ZAR1L: variants seen among roughly 807,000 people sequenced by gnomAD.
ZAR1L encodes protein ZAR1-like.
Under a neutral mutation model 30.0 loss-of-function variants are expected in ZAR1L, and 16 were observed. The observed-to-expected ratio is 0.53, with a 90% confidence interval of 0.36 to 0.81. ZAR1L has a LOEUF of 0.81. Among genes scored for constraint, ZAR1L ranks in the 30% least tolerant of loss-of-function variants. The pLI is 0.00. For synonymous variants in ZAR1L, 197 were observed against 166.8 expected (o/e 1.18, Z -1.40); for missense variants, 392 against 417.2 (o/e 0.94, Z 0.53).
chr13:32,309,793 TTC>T (rs1452164013), intron 4 of ZAR1L, among the ~76,000 whole-genome samples: 1 of 152,268 alleles, frequency 6.6e-6, no homozygotes, highest in African/African-American at 2.4e-5. Context: ...AAACTCATTT[TTC>T]TTCTGGCAAG....
chr13:32,310,550 C>A, intron 4 of ZAR1L, 89 bp downstream of exon 4: 2 of 895,966 alleles, frequency 2.2e-6, no homozygotes, highest in Non-Finnish European at 3.6e-6. Context: ...AGGACTATGA[C>A]AGCCATGCTC....
At chr13:32,312,952 A>T (rs1261452664) in intron 2 of ZAR1L, among the ~76,000 whole-genome samples, 2 of 152,234 alleles carry the variant, frequency 1.3e-5, no homozygotes, top group African/African-American at 4.8e-5. Context: ...GGGGAACATT[A>T]TGCTAAGTGA....
At position 32,311,382 on chromosome 13, in the gene ZAR1L, C is replaced by G; in HGVS notation, c.544G>C (p.Gly182Arg). 1 of 1,550,750 alleles carries G rather than the reference C, an allele frequency of 6.4e-7. No individual in the cohort carries two copies. Reference sequence around the variant, plus strand: ...TTCTCCCCCGATTCCTCCAGCTGCCCGGGCTCCTCCTGCCTGTCAGCTCCT... The same window carrying G: ...TTCTCCCCCGATTCCTCCAGCTGCCGGGGCTCCTCCTGCCTGTCAGCTCCT... ...RSGADRQEEP[G>R]QLEESGEKDA... The change falls in exon 3 of 6, where the codon GGG becomes CGG. Residue 182 changes from glycine (G) to arginine (R), a missense_variant. Physicochemically the swap from Gly to Arg is moderately radical, Grantham distance 125. Transcript: ENST00000533490.
chr13:32,308,780 T>G lies in ZAR1L; in HGVS notation c.748-20A>C. The G allele has an allele frequency of 6.6e-7, 1 of 1,516,336 alleles. No individual in the cohort carries two copies. The highest frequency in any genetic ancestry group is 1.7e-4 in the Middle Eastern group (1 of 5,910). 93.9% of individuals were successfully genotyped at this position (1,516,336 alleles called of 1,614,324 possible). Reference sequence around the variant, plus strand: ...ATAAACCTAAAGAGAAATATGTTTTTTTTTAATACAAGCTTTTATACACAC... The same window carrying G: ...ATAAACCTAAAGAGAAATATGTTTTGTTTTAATACAAGCTTTTATACACAC... On this transcript the variant is annotated intron_variant, in intron 4 of 5. Transcript: ENST00000533490.
chr13:32,312,396 C>G (rs558942195), intron 2 of ZAR1L, among the ~76,000 whole-genome samples: 1 of 152,288 alleles, frequency 6.6e-6, no homozygotes, highest in East Asian at 1.9e-4. Context: ...ATCCAGTAAT[C>G]CCACCACTGC....
In ZAR1L at chr13:32,310,624, A is replaced by G. The variant is rs1463790662; in HGVS notation, c.747+15T>C. 1 of 1,524,118 alleles carries G rather than the reference A, an allele frequency of 6.6e-7. No homozygotes were observed. The highest frequency in any genetic ancestry group is 8.9e-7 in the Non-Finnish European group (1 of 1,123,332). The allele number at this position is 1,524,118 out of a possible 1,614,324, so 94.4% of individuals were successfully genotyped here. The stretch of plus-strand genomic sequence containing the variant: ...CCACCCCATCCTCCTCTCACCTCCT[A>G]CTCTTTTTATTTACCTTGTTCGTTC... On this transcript the variant is annotated intron_variant, in intron 4 of 5. Transcript: ENST00000533490.
chr13:32,305,445 A>C (rs206141), intron 5 of ZAR1L, among the ~76,000 whole-genome samples: 57,277 of 151,534 alleles, frequency 0.38, 10,999 homozygotes, highest in East Asian at 0.5. Context: ...CCAGGGTGGT[A>C]TCGATCTCCT....
intron 5 of ZAR1L, 25 bp downstream of exon 5, chr13:32,308,661 C>T (rs2072192510): frequency 6.6e-7 from 1 of 1,517,616 alleles, no homozygotes; most frequent in African/African-American, 1.4e-5. Flanking sequence ...AACATAGACA[C>T]AATGGAAGTG....
chr13:32,306,637 A>G (rs1405257392), intron 5 of ZAR1L, among the ~76,000 whole-genome samples: 12 of 152,236 alleles, frequency 7.9e-5, no homozygotes, highest in Non-Finnish European at 4.4e-5. Context: ...TATCTCTTAA[A>G]AAGATATCCA....
Position 32,311,470 on chromosome 13 carries a change from C to CGCTT in ZAR1L, c.452_455dup (p.Glu153SerfsTer25). On this transcript the variant is annotated frameshift_variant, in exon 3 of 6. Coordinates refer to ENST00000533490, the MANE Select transcript of ZAR1L (RefSeq NM_001136571.2). LOFTEE classifies it high-confidence loss of function. Reference sequence around the variant, plus strand: ...CAGGGCCCGGGAGCGCCTTGCTCTCCGCTTCGTCCCCATCTCTCCGCAGGC... The same window carrying CGCTT: ...CAGGGCCCGGGAGCGCCTTGCTCTCCGCTTGCTTCGTCCCCATCTCTCCGCAGGC... The CGCTT allele has an allele frequency of 6.5e-7, 1 of 1,546,460 alleles. No homozygotes were observed. Among genetic ancestry groups the CGCTT allele is most frequent in the Non-Finnish European group, 8.7e-7 (1 of 1,146,720 alleles).
At chr13:32,314,068 C>T (rs1233581628) in intron 2 of ZAR1L, among the ~76,000 whole-genome samples, 1 of 152,206 alleles carries the variant, frequency 6.6e-6, no homozygotes, top group Non-Finnish European at 1.5e-5. Context: ...TCAGTATCCT[C>T]ATCTGACAAT....
At position 32,311,580 on chromosome 13, in the gene ZAR1L, A is replaced by G; in HGVS notation, c.346T>C (p.Ser116Pro). The change falls in exon 3 of 6, where the codon TCC becomes CCC. Residue 116 changes from serine (S) to proline (P), a missense_variant. By Grantham distance (74) the Ser-to-Pro change is moderately conservative. Transcript: ENST00000533490. ...TGGGGGTCTCTGCCGTCCCAGGGGG[A>G]GCAGCTGCTGAGGGTGCGAGGCCCC... ...SLGPRTLSSCSPWDGRDPQEP... is the reference protein window; with the variant it reads ...SLGPRTLSSCPPWDGRDPQEP... The G allele has an allele frequency of 6.5e-7, 1 of 1,539,864 alleles. No individual in the cohort carries two copies.
chr13:32,312,675 C>T (rs983174105), intron 2 of ZAR1L, among the ~76,000 whole-genome samples: 3 of 151,992 alleles, frequency 2.0e-5, no homozygotes, highest in Admixed American at 6.6e-5. Flanking sequence ...GTCAGGAGTT[C>T]GAGACCAACC....
intron 5 of ZAR1L, among the ~76,000 whole-genome samples, chr13:32,304,830 A>G (rs1420461108): frequency 7.2e-6 from 1 of 139,584 alleles, no homozygotes; most frequent in Non-Finnish European, 1.6e-5. Flanking sequence ...TTTTTTTGAA[A>G]TGGAGTCTCG....
At chr13:32,304,809 CTTTTTTTT>C (rs776182055) in intron 5 of ZAR1L, among the ~76,000 whole-genome samples, 5 of 136,130 alleles carry the variant, frequency 3.7e-5, no homozygotes, top group African/African-American at 8.1e-5. Flanking sequence ...CAAGATTTAC[CTTTTTTTT>C]TTTTTTTTTG....
chr13:32,313,595 G>C (rs1196168583), intron 2 of ZAR1L, among the ~76,000 whole-genome samples: 2 of 152,238 alleles, frequency 1.3e-5, no homozygotes, highest in East Asian at 3.8e-4. Context: ...TCGAACTCCT[G>C]ACCTCAGGTG....
rs1399755511 is a variant in ZAR1L, at chr13:32,314,509, G to A, written c.-348C>T. On this transcript the variant is annotated 5_prime_UTR_variant, in exon 2 of 6. Coordinates refer to ENST00000533490, the MANE Select transcript of ZAR1L (RefSeq NM_001136571.2). The stretch of plus-strand genomic sequence containing the variant: ...CCAACGAATTCGGAGATGAAGTCAG[G>A]TCTTCCAGTTCAGCCTGCGAGGAAG... The A allele has an allele frequency of 1.3e-5, 2 of 152,284 alleles. No individual in the cohort carries two copies. The highest frequency in any genetic ancestry group is 2.4e-5 in the African/African-American group (1 of 41,460). The allele number at this position is 152,284 out of a possible 1,614,324, so 9.4% of individuals were successfully genotyped here. A position where few individuals can be genotyped will look rare whatever the true frequency, so the allele number is the denominator to read the frequency against.
intron 2 of ZAR1L, among the ~76,000 whole-genome samples, chr13:32,313,335 C>A (rs1198561578): frequency 1.3e-5 from 2 of 152,130 alleles, no homozygotes; most frequent in African/African-American, 4.8e-5. Flanking sequence ...ATATATACAA[C>A]TTTTAGGAAA....
At chr13:32,306,532 A>T (rs2072176424) in intron 5 of ZAR1L, among the ~76,000 whole-genome samples, 1 of 152,232 alleles carries the variant, frequency 6.6e-6, no homozygotes, top group Admixed American at 6.5e-5. Flanking sequence ...ATGCAATAAG[A>T]GCTATATTGT....
Sources: allele counts gnomAD v4.1 joint callset (sites outside exome capture counted in the v4.1 genomes callset), GRCh38; gene constraint gnomAD v4.1.1; transcripts MANE v1.5; gene names NCBI Gene and HGNC (gene_info 2026-07-23, HGNC 2026-07-21).